Variants in PHLPP2 observed in about 807,000 individuals in gnomAD.
PHLPP2 encodes PH domain and leucine rich repeat protein phosphatase 2.
In PHLPP2, 66 loss-of-function variants were observed where a neutral mutation model predicts 124.9. The ratio of observed to expected loss-of-function variants is 0.53; its 90% CI spans 0.43 to 0.65. The LOEUF (loss-of-function observed/expected upper bound fraction) is 0.65, where lower values mean the gene tolerates loss of function less well. Among genes scored for constraint, PHLPP2 ranks in the 30% least tolerant of loss-of-function variants. The pLI, the probability that PHLPP2 is intolerant of heterozygous loss-of-function variation, is 0.00. For synonymous variants in PHLPP2, 681 were observed against 624.7 expected, an observed-to-expected ratio of 1.09 and a Z score of -1.34; for missense variants, 1,685 against 1,600.4, an observed-to-expected ratio of 1.05 and a Z score of -0.90.
chr16:71,706,213 CT>C (rs1249041773), intron 2 of PHLPP2, among the ~76,000 whole-genome samples: 1 of 152,218 alleles, frequency 6.6e-6, no homozygotes, highest in Non-Finnish European at 1.5e-5. Flanking sequence ...GTGAGACCTA[CT>C]ATAGTCCATG....
rs748258368 is a variant in PHLPP2, at chr16:71,663,988, CAGG to C, written c.1893_1895del (p.Leu632del). 2 of 1,614,018 alleles carry C rather than the reference CAGG, an allele frequency of 1.2e-6. No homozygotes were observed. Among genetic ancestry groups the C allele is most frequent in the Admixed American group, 3.3e-5 (2 of 60,022 alleles). ...CCAGGACAGGTATGCACTGATCCGT[CAGG>C]AGATTGTTGGTCAGATAAAGCAGCT... On this transcript the variant is annotated inframe_deletion, in exon 13 of 19. Transcript: ENST00000568954.
chr16:71,684,722 C>G, intron 4 of PHLPP2, 121 bp from the exon 5 acceptor site: 1 of 928,912 alleles, frequency 1.1e-6, no homozygotes, highest in South Asian at 1.8e-5. Context: ...TATTTTTTCT[C>G]TCTCCCTCCT....
intron 13 of PHLPP2, 111 bp downstream of exon 13, chr16:71,663,788 G>A (rs901863208): frequency 3.7e-6 from 3 of 807,868 alleles, no homozygotes; most frequent in Admixed American, 4.1e-5. Flanking sequence ...CATAGCATCT[G>A]TAAGTCAGTG....
rs147202140 is a variant in PHLPP2, at chr16:71,648,953, G to A, written c.3909C>T (p.Leu1303=). The A allele has an allele frequency of 5.8e-5, 94 of 1,613,636 alleles. No homozygotes were observed. In the African/African-American group the frequency reaches 1.1e-3, roughly 19 times the overall value. ...EQMKQHQDSR[L]EPEPHEEDRT... is the part of the protein sequence containing the mutation. ...GATCCTCTTCATGGGGCTCAGGCTC[G>A]AGCCGGCTGTCCTGGTGCTGTTTCA... Residue 1303 remains leucine, a synonymous_variant, in exon 19 of 19, where the codon CTC becomes CTT. Coordinates refer to ENST00000568954, the MANE Select transcript of PHLPP2 (RefSeq NM_015020.3).
At chr16:71,706,013 T>TTTAAGAATCTTTTGGATTC (rs1486001457) in intron 2 of PHLPP2, among the ~76,000 whole-genome samples, 1 of 152,182 alleles carries the variant, frequency 6.6e-6, no homozygotes, top group Non-Finnish European at 1.5e-5. Flanking sequence ...GTTCCAAAAG[T>TTTAAGAATCTTTTGGATTC]TTAAGAATCT....
intron 13 of PHLPP2, among the ~76,000 whole-genome samples, chr16:71,662,007 A>T (rs1317099753): frequency 6.6e-6 from 1 of 151,890 alleles, no homozygotes; most frequent in Non-Finnish European, 1.5e-5. Context: ...TATTTTTAGT[A>T]GAGACGGGGT....
rs980512541 is a variant in PHLPP2, at chr16:71,646,858, T to C, written c.*2032A>G. On this transcript the variant is annotated 3_prime_UTR_variant, in exon 19 of 19. Coordinates refer to ENST00000568954, the MANE Select transcript of PHLPP2 (RefSeq NM_015020.3). ...CAATAGCTGACCAGTAGTTTGACAA[T>C]CTGGGGACTCAAGTTCAGATTCTCG... 3 of 152,206 alleles carry C rather than the reference T, an allele frequency of 2.0e-5. No homozygotes were observed. Among genetic ancestry groups the C allele is most frequent in the Non-Finnish European group, 4.4e-5 (3 of 68,030 alleles). The allele number at this position is 152,206 out of a possible 1,614,324, so 9.4% of individuals were successfully genotyped here.
chr16:71,723,726 C>A, intron 1 of PHLPP2: 1 of 989,940 alleles, frequency 1.0e-6, no homozygotes, highest in South Asian at 1.8e-5. Context: ...TCCGCTTGCC[C>A]GCTCGCCCGC....
intron 17 of PHLPP2, among the ~76,000 whole-genome samples, chr16:71,654,871 A>G (rs531093685): frequency 7.9e-5 from 12 of 152,332 alleles, no homozygotes; most frequent in South Asian, 2.1e-4. Context: ...TATCAATCTG[A>G]TAAGTATTTG....
At chr16:71,695,725 A>G (rs913063531) in intron 3 of PHLPP2, among the ~76,000 whole-genome samples, 4 of 152,100 alleles carry the variant, frequency 2.6e-5, no homozygotes, top group African/African-American at 7.2e-5. Context: ...AAAAAAAAAA[A>G]AAGAAATGCA....
At chr16:71,652,745 C>T in intron 18 of PHLPP2, 45 bp downstream of exon 18, 1 of 1,394,884 alleles carries the variant, frequency 7.2e-7, no homozygotes, top group Non-Finnish European at 1.0e-6. Flanking sequence ...AAGCAGCCTC[C>T]ACTGATTTGG....
At chr16:71,682,650 T>G (rs1440728968) in intron 5 of PHLPP2, among the ~76,000 whole-genome samples, 1 of 152,176 alleles carries the variant, frequency 6.6e-6, no homozygotes, top group East Asian at 1.9e-4. Context: ...AGCACACTGC[T>G]AAACATGCAA....
chr16:71,688,671 T>C (rs903951698), intron 4 of PHLPP2, among the ~76,000 whole-genome samples: 3 of 149,286 alleles, frequency 2.0e-5, no homozygotes, highest in Non-Finnish European at 3.0e-5. Flanking sequence ...ATTTGAATGG[T>C]AGGTTCATTT....
At chr16:71,694,886 G>A (rs895151594) in intron 3 of PHLPP2, among the ~76,000 whole-genome samples, 1 of 151,998 alleles carries the variant, frequency 6.6e-6, no homozygotes, top group Non-Finnish European at 1.5e-5. Context: ...TTGGGTTCAC[G>A]CCATTCTCCT....
chr16:71,661,543 T>C (rs868792522), intron 13 of PHLPP2, among the ~76,000 whole-genome samples: 1 of 152,194 alleles, frequency 6.6e-6, no homozygotes, highest in Non-Finnish European at 1.5e-5. Context: ...TTTCACTTTA[T>C]ATGAACATAT....
At chr16:71,674,069 T>C (rs2145330944) in intron 9 of PHLPP2, among the ~76,000 whole-genome samples, 1 of 148,926 alleles carries the variant, frequency 6.7e-6, no homozygotes, top group Admixed American at 7.0e-5. Flanking sequence ...CTGCTTTATA[T>C]GTGGCAGACT....
chr16:71,666,506 A>T (rs1331335827), intron 12 of PHLPP2, among the ~76,000 whole-genome samples: 1 of 152,154 alleles, frequency 6.6e-6, no homozygotes, highest in African/African-American at 2.4e-5. Flanking sequence ...GAGTGAAACC[A>T]TGTCTCTAAA....
chr16:71,721,206 G>C, intron 1 of PHLPP2, among the ~76,000 whole-genome samples: 1 of 151,908 alleles, frequency 6.6e-6, no homozygotes, highest in Non-Finnish European at 1.5e-5. Context: ...AAAAAAACGT[G>C]CCTATGATCC....
chr16:71,667,123 G>A (rs1195558234), intron 12 of PHLPP2, 55 bp downstream of exon 12: 25 of 1,416,292 alleles, frequency 1.8e-5, no homozygotes, highest in Non-Finnish European at 2.5e-5. Flanking sequence ...ATAAGTCACT[G>A]CAGTCTGTTT....
Sources: gnomAD v4.1 joint callset for allele counts (sites outside exome capture counted in the v4.1 genomes callset) on GRCh38, gnomAD v4.1.1 for gene constraint, MANE v1.5 for transcripts, NCBI Gene and HGNC (gene_info 2026-07-23, HGNC 2026-07-21) for gene names.